MYT1L: variants seen among roughly 807,000 people sequenced by gnomAD.
MYT1L encodes myelin transcription factor 1-like protein.
MYT1L carries 12 observed loss-of-function variants against 126.7 expected under a neutral mutation model. That is an observed-to-expected ratio of 0.09 (90% CI 0.06 to 0.15). The LOEUF is 0.15. Among genes scored for constraint, MYT1L ranks in the 10% least tolerant of loss-of-function variants. The probability of loss-of-function intolerance (pLI) is 1.00; values close to 1 mark genes in which losing one functional copy is unlikely to be tolerated. For missense variants in MYT1L, 979 were observed against 1,585.2 expected (o/e 0.62, Z 6.49); for synonymous variants, 541 against 604.2 (o/e 0.90, Z 1.53).
intron 3 of MYT1L, among the ~76,000 whole-genome samples, chr2:2,138,360 C>G (rs1259894738): frequency 2.1e-5 from 3 of 144,490 alleles, no homozygotes; most frequent in African/African-American, 7.8e-5. Context: ...ACCCAAAGGA[C>G]TATAAATCAT....
chr2:2,192,756 A>G (rs1343616312), intron 2 of MYT1L, among the ~76,000 whole-genome samples: 1 of 152,036 alleles, frequency 6.6e-6, no homozygotes, highest in South Asian at 2.1e-4. Context: ...GAGGACTGCA[A>G]TTGGGGGACG....
chr2:1,901,949 T>A (rs902093646), intron 14 of MYT1L, among the ~76,000 whole-genome samples: 1 of 152,188 alleles, frequency 6.6e-6, no homozygotes, highest in African/African-American at 2.4e-5. Flanking sequence ...CATGAACCAC[T>A]GCAGCCAGCC....
At chr2:2,325,502 A>T (rs1189725332) in intron 1 of MYT1L, 12 of 152,254 alleles carry the variant, frequency 7.9e-5, no homozygotes. Context: ...AAAATAGCTA[A>T]GGGAACATAG....
chr2:2,078,489 T>G (rs2075456633), intron 3 of MYT1L, among the ~76,000 whole-genome samples: 1 of 152,098 alleles, frequency 6.6e-6, no homozygotes, highest in African/African-American at 2.4e-5. Flanking sequence ...AGTAAAAGCA[T>G]GAAAAAATAT....
chr2:2,299,430 A>G (rs2095750401), intron 1 of MYT1L, among the ~76,000 whole-genome samples: 2 of 152,232 alleles, frequency 1.3e-5, no homozygotes. Flanking sequence ...TGGTGTGGGC[A>G]GGAGGCCATG....
intron 8 of MYT1L, among the ~76,000 whole-genome samples, chr2:1,959,438 T>G (rs1329517049): frequency 6.6e-6 from 1 of 152,232 alleles, no homozygotes; most frequent in Non-Finnish European, 1.5e-5. Flanking sequence ...GGGGTCACAG[T>G]CCAGCATCTG....
At chr2:1,838,911 G>T (rs746987547) in intron 21 of MYT1L, among the ~76,000 whole-genome samples, 8 of 152,210 alleles carry the variant, frequency 5.3e-5, no homozygotes, top group Admixed American at 4.6e-4. Context: ...ACGGAAAACT[G>T]CTGTGGTCAT....
intron 14 of MYT1L, among the ~76,000 whole-genome samples, chr2:1,899,277 C>T (rs1032890432): frequency 2.6e-5 from 4 of 152,260 alleles, no homozygotes; most frequent in African/African-American, 9.6e-5. Context: ...CCCGCCAAGC[C>T]CTGAGGGCAG....
In MYT1L at chr2:2,259,384, T is replaced by TA. The variant is rs2094900438; in HGVS notation, c.-421+25019dup. Among the ~76,000 whole-genome samples, 5 of 130,402 alleles carry TA rather than the reference T, an allele frequency of 3.8e-5. No individual in the cohort carries two copies. The South Asian group carries it at 1.3e-3, about 33-fold the overall frequency. The allele number at this position is 130,402 out of a possible 152,430, so 85.5% of individuals were successfully genotyped here. A position where few individuals can be genotyped will look rare whatever the true frequency, so the allele number is the denominator to read the frequency against. ...CAATGTGCACATGTACCCTAAAACT[T>TA]AGAGTATAATAAAAAAAAAAACATT... On this transcript the variant is annotated intron_variant, in intron 2 of 24. Transcript: ENST00000647738.
intron 5 of MYT1L, among the ~76,000 whole-genome samples, chr2:1,987,524 CCCTCATGCCCATTCCTTTCTGGGCTTATG>C (rs1236061325): frequency 2.0e-5 from 3 of 152,166 alleles, no homozygotes; most frequent in African/African-American, 7.2e-5. Flanking sequence ...AAGTCTGGGG[CCCTCATGCCCATTCCTTTCTGGGCTTATG>C]CCTCCTGCCC....
At chr2:2,147,354 A>C (rs1428615985) in intron 3 of MYT1L, among the ~76,000 whole-genome samples, 1 of 152,234 alleles carries the variant, frequency 6.6e-6, no homozygotes, top group South Asian at 2.1e-4. Flanking sequence ...GTGCGAGCAC[A>C]CAGCAGGCAC....
intron 19 of MYT1L, chr2:1,841,162 C>CTTTTTT: frequency 1.2e-5 from 1 of 86,124 alleles, no homozygotes; most frequent in Non-Finnish European, 2.2e-5. Flanking sequence ...ACCTCGGCCT[C>CTTTTTT]TTTTTTTTTT....
At chr2:2,208,397 A>G (rs1191740283) in intron 2 of MYT1L, among the ~76,000 whole-genome samples, 7 of 152,198 alleles carry the variant, frequency 4.6e-5, no homozygotes, top group African/African-American at 1.7e-4. Flanking sequence ...CACCTGTCAC[A>G]GCCAGCAGTT....
chr2:1,894,635 T>C (rs566752706), intron 14 of MYT1L, among the ~76,000 whole-genome samples: 22 of 152,140 alleles, frequency 1.4e-4, no homozygotes, highest in Admixed American at 1.4e-3. Context: ...AATAACACTT[T>C]TGTTTTGAAA....
chr2:2,040,207 CCT>C (rs1049847214), intron 4 of MYT1L, among the ~76,000 whole-genome samples: 41 of 152,252 alleles, frequency 2.7e-4, no homozygotes, highest in African/African-American at 9.4e-4. Context: ...AGTGATGTGT[CCT>C]CAGCACTTGA....
At position 2,244,418 on chromosome 2, in the gene MYT1L, T is replaced by C. The variant is rs558645707; in HGVS notation, c.-421+39986A>G. Among the ~76,000 whole-genome samples, 9 of 152,344 alleles carry C rather than the reference T, an allele frequency of 5.9e-5. No homozygotes were observed. In the South Asian group the frequency reaches 1.9e-3, roughly 32 times the overall value. ...GTGTGCCTCCCACAGTGCTTTATGGTATGTAAAATACTTCTGACCAATTAT... is the reference window on the plus strand; with the variant it reads ...GTGTGCCTCCCACAGTGCTTTATGGCATGTAAAATACTTCTGACCAATTAT... On this transcript the variant is annotated intron_variant, in intron 2 of 24. Coordinates refer to ENST00000647738, the MANE Select transcript of MYT1L (RefSeq NM_001303052.2).
At chr2:2,023,949 A>G (rs1414288506) in intron 4 of MYT1L, among the ~76,000 whole-genome samples, 1 of 152,212 alleles carries the variant, frequency 6.6e-6, no homozygotes, top group Non-Finnish European at 1.5e-5. Flanking sequence ...CCCTCAATTC[A>G]AACAAAAATT....
At chr2:1,845,977 T>A (rs147458568) in intron 19 of MYT1L, among the ~76,000 whole-genome samples, 31 of 152,354 alleles carry the variant, frequency 2.0e-4, no homozygotes, top group African/African-American at 6.5e-4. Context: ...TCCTCTCTCC[T>A]GGGCTCCAAC....
chr2:2,154,308 T>C (rs935110571), intron 3 of MYT1L, among the ~76,000 whole-genome samples: 1 of 152,138 alleles, frequency 6.6e-6, no homozygotes, highest in Non-Finnish European at 1.5e-5. Context: ...TGAAGATTTA[T>C]TAACTCAATA....
Sources: gnomAD v4.1 joint callset for allele counts (sites outside exome capture counted in the v4.1 genomes callset) on GRCh38, gnomAD v4.1.1 for gene constraint, MANE v1.5 for transcripts, NCBI Gene and HGNC (gene_info 2026-07-23, HGNC 2026-07-21) for gene names.